ST18: variants seen among roughly 807,000 people sequenced by gnomAD.
ST18 encodes suppression of tumorigenicity 18 protein.
A neutral mutation model predicts 110.0 loss-of-function variants in ST18; 50 were observed. That is an observed-to-expected ratio of 0.45 (90% CI 0.36 to 0.58). The LOEUF is 0.58. Among genes scored for constraint, ST18 ranks in the 20% least tolerant of loss-of-function variants. The probability of loss-of-function intolerance (pLI) is 0.00; values close to 1 mark genes in which losing one functional copy is unlikely to be tolerated. For missense variants in ST18, 1,306 were observed against 1,280.1 expected (o/e 1.02, Z -0.31); for synonymous variants, 461 against 452.4 (o/e 1.02, Z -0.24).
At chr8:52,145,073 C>T (rs1284736288) in intron 16 of ST18, among the ~76,000 whole-genome samples, 3 of 146,750 alleles carry the variant, frequency 2.0e-5, no homozygotes, top group Non-Finnish European at 4.5e-5. Flanking sequence ...TTTTTTTTAA[C>T]GAAAACGGCA....
At chr8:52,330,090 T>C (rs975401777) in intron 2 of ST18, among the ~76,000 whole-genome samples, 2 of 152,224 alleles carry the variant, frequency 1.3e-5, no homozygotes, top group African/African-American at 4.8e-5. Flanking sequence ...TTAAAAATGA[T>C]CTTAAGATAT....
Position 52,158,878 on chromosome 8 carries a change from G to A in ST18, c.1806+20C>T, listed in dbSNP as rs761827689. On this transcript the variant is annotated intron_variant, in intron 15 of 25. Coordinates refer to ENST00000689386, the MANE Select transcript of ST18 (RefSeq NM_001352837.2). ...CAGTTCAGTCGCTGGCCCACCCTCC[G>A]GGCTCTTGGACTGGCCTACCTTGGC... is the stretch of plus-strand genomic sequence containing the variant. The A allele has an allele frequency of 1.3e-5, 21 of 1,613,570 alleles. No homozygotes were observed. The highest frequency in any genetic ancestry group is 1.7e-4 in the Middle Eastern group (1 of 6,022).
chr8:52,262,122 C>G (rs1224177254), intron 2 of ST18, among the ~76,000 whole-genome samples: 1 of 152,158 alleles, frequency 6.6e-6, no homozygotes, highest in Non-Finnish European at 1.5e-5. Flanking sequence ...AGGGGAAGAG[C>G]ATGTGTGCAA....
rs537054139 is a variant in ST18, at chr8:52,208,813, G to A, written c.86+3266C>T. On this transcript the variant is annotated intron_variant, in intron 8 of 25. Coordinates refer to ENST00000689386, the MANE Select transcript of ST18 (RefSeq NM_001352837.2). ...AGCCTGGGCGACACAGTGAGGCTTC[G>A]CCAAAATAAATAAATAAATAAATAA... is the stretch of plus-strand genomic sequence containing the variant. 9.4e-4 allele frequency among the ~76,000 whole-genome samples: 136 copies of A among 145,000 alleles called. No individual in the cohort carries two copies. In the Middle Eastern group the frequency reaches 0.01, roughly 11 times the overall value.
At chr8:52,285,784 C>G (rs961042505) in intron 2 of ST18, among the ~76,000 whole-genome samples, 7 of 152,344 alleles carry the variant, frequency 4.6e-5, no homozygotes, top group Middle Eastern at 3.4e-3. Context: ...TCTTCAATGG[C>G]TCTTTCCCAG....
At chr8:52,292,598 T>C (rs2095572954) in intron 2 of ST18, among the ~76,000 whole-genome samples, 1 of 152,256 alleles carries the variant, frequency 6.6e-6, no homozygotes, top group Admixed American at 6.5e-5. Context: ...AATAAGCTAC[T>C]GACACACTGT....
intron 2 of ST18, among the ~76,000 whole-genome samples, chr8:52,276,348 C>T (rs2095264779): frequency 6.7e-6 from 1 of 148,554 alleles, no homozygotes; most frequent in Non-Finnish European, 1.5e-5. Context: ...ACACATCATA[C>T]ATGCACACCA....
chr8:52,192,733 A>G (rs2074970187), intron 8 of ST18, among the ~76,000 whole-genome samples: 1 of 152,232 alleles, frequency 6.6e-6, no homozygotes, highest in Non-Finnish European at 1.5e-5. Flanking sequence ...GTGACTACTT[A>G]AAGGATTTGT....
chr8:52,340,808 C>T (rs1814607555), intron 2 of ST18, among the ~76,000 whole-genome samples: 1 of 152,168 alleles, frequency 6.6e-6, no homozygotes, highest in African/African-American at 2.4e-5. Flanking sequence ...CCTGTTGTCA[C>T]CAAACTCGTC....
intron 2 of ST18, among the ~76,000 whole-genome samples, chr8:52,346,583 A>T (rs1054289743): frequency 6.6e-6 from 1 of 152,234 alleles, no homozygotes; most frequent in Non-Finnish European, 1.5e-5. Context: ...CAGTAGGAAA[A>T]ATAAAGCCAA....
chr8:52,267,906 G>A (rs995738199), intron 2 of ST18, among the ~76,000 whole-genome samples: 1 of 152,222 alleles, frequency 6.6e-6, no homozygotes, highest in Middle Eastern at 3.4e-3. Flanking sequence ...TTTCATCTCA[G>A]CATCTAATTC....
intron 2 of ST18, among the ~76,000 whole-genome samples, chr8:52,382,390 T>A (rs1029945630): frequency 7.9e-5 from 12 of 152,036 alleles, no homozygotes; most frequent in African/African-American, 2.9e-4. Flanking sequence ...GAAGCAAAAA[T>A]AAAAAACACT....
At chr8:52,186,306 C>T (rs1167309550) in intron 8 of ST18, among the ~76,000 whole-genome samples, 4 of 152,222 alleles carry the variant, frequency 2.6e-5, no homozygotes, top group Non-Finnish European at 5.9e-5. Flanking sequence ...TTGGCTGATA[C>T]ACAAATGCAA....
chr8:52,179,327 C>T (rs755860484), intron 9 of ST18, among the ~76,000 whole-genome samples: 1 of 152,132 alleles, frequency 6.6e-6, no homozygotes, highest in African/African-American at 2.4e-5. Context: ...AGTTTTGAAA[C>T]GTAACTACTT....
Position 52,132,032 on chromosome 8 carries a change from T to C in ST18, c.2592A>G (p.Gln864=), listed in dbSNP as rs1178763580. ...GASLSWKLNK[Q]ELPHCPLPGC... The stretch of plus-strand genomic sequence containing the variant: ...CTGGCAAGGGACAATGTGGTAGCTC[T>C]TGTTTGTTCAGTTTCCAGGAGAGGG... Residue 864 remains glutamine, a synonymous_variant, in exon 22 of 26, where the codon CAA becomes CAG. Transcript: ENST00000689386. The C allele has an allele frequency of 6.2e-7, 1 of 1,614,232 alleles. No homozygotes were observed. The highest frequency in any genetic ancestry group is 1.1e-5 in the South Asian group (1 of 91,090).
intron 9 of ST18, among the ~76,000 whole-genome samples, chr8:52,175,925 G>C (rs2066737956): frequency 6.6e-6 from 1 of 152,178 alleles, no homozygotes; most frequent in African/African-American, 2.4e-5. Flanking sequence ...CGACCCTTAG[G>C]AGAAACAGCT....
chr8:52,233,595 G>A (rs576024314), intron 2 of ST18, among the ~76,000 whole-genome samples: 17 of 151,980 alleles, frequency 1.1e-4, no homozygotes, highest in African/African-American at 2.9e-4. Context: ...CTAAGTAAGC[G>A]TCTCTGGTTA....
At chr8:52,310,912 G>A (rs1180670695) in intron 2 of ST18, among the ~76,000 whole-genome samples, 1 of 152,164 alleles carries the variant, frequency 6.6e-6, no homozygotes, top group Admixed American at 6.5e-5. Flanking sequence ...GGTGCCACTG[G>A]GAAGCTGTGG....
At chr8:52,165,831 C>T (rs963196624) in intron 11 of ST18, among the ~76,000 whole-genome samples, 1 of 152,196 alleles carries the variant, frequency 6.6e-6, no homozygotes, top group Admixed American at 6.5e-5. Context: ...TAAGCACTTC[C>T]ATTTTTGCAA....
Sources: allele counts gnomAD v4.1 joint callset (sites outside exome capture counted in the v4.1 genomes callset), GRCh38; gene constraint gnomAD v4.1.1; transcripts MANE v1.5; gene names NCBI Gene and HGNC (gene_info 2026-07-23, HGNC 2026-07-21).